The following FARS2 variants were observed in gnomAD, a reference collection of about 807,000 sequenced individuals.
The protein encoded by FARS2 is phenylalanine--tRNA ligase, mitochondrial.
FARS2 carries 40 observed loss-of-function variants against 46.4 expected under a neutral mutation model. The observed-to-expected ratio is 0.86, with a 90% CI of 0.67 to 1.12. FARS2 has a LOEUF of 1.12. FARS2 is among the 50% of genes most tolerant of loss of function. FARS2 has a pLI of 0.00. For synonymous variants in FARS2, 234 were observed against 214.9 expected, an observed-to-expected ratio of 1.09 and a Z score of -0.78; for missense variants, 513 against 567.9, an observed-to-expected ratio of 0.90 and a Z score of 0.98.
intron 3 of FARS2, among the ~76,000 whole-genome samples, chr6:5,408,714 A>G (rs984779313): frequency 2.6e-5 from 4 of 152,196 alleles, no homozygotes; most frequent in African/African-American, 9.7e-5. Context: ...AGAAGGAAGG[A>G]AGGAAAGGAA....
chr6:5,669,938 G>GT (rs774690072), intron 6 of FARS2, among the ~76,000 whole-genome samples: 5 of 152,222 alleles, frequency 3.3e-5, no homozygotes, highest in Non-Finnish European at 7.3e-5. Context: ...ATGAACGGGG[G>GT]TGGGGAAGAA....
intron 6 of FARS2, among the ~76,000 whole-genome samples, chr6:5,649,057 G>A (rs1446569948): frequency 1.3e-5 from 2 of 152,226 alleles, no homozygotes; most frequent in Non-Finnish European, 2.9e-5. Flanking sequence ...ACTACAAAAT[G>A]TCTTTTCAAA....
At chr6:5,434,789 T>A (rs776329634) in intron 4 of FARS2, among the ~76,000 whole-genome samples, 6 of 151,988 alleles carry the variant, frequency 3.9e-5, no homozygotes, top group African/African-American at 1.5e-4. Context: ...GCTCTTCCCC[T>A]CTCTTTACTT....
chr6:5,326,392 C>T (rs900063758), intron 1 of FARS2, among the ~76,000 whole-genome samples: 1 of 152,334 alleles, frequency 6.6e-6, no homozygotes, highest in Non-Finnish European at 1.5e-5. Flanking sequence ...CTTTGTCTTT[C>T]CCTGAAGCAA....
At chr6:5,718,559 A>T (rs1460684842) in intron 6 of FARS2, among the ~76,000 whole-genome samples, 1 of 152,238 alleles carries the variant, frequency 6.6e-6, no homozygotes, top group African/African-American at 2.4e-5. Flanking sequence ...ATATACACAC[A>T]AGAGACATTT....
At chr6:5,646,323 A>G (rs1236994571) in intron 6 of FARS2, among the ~76,000 whole-genome samples, 1 of 152,214 alleles carries the variant, frequency 6.6e-6, no homozygotes, top group Admixed American at 6.5e-5. Context: ...GATTATATGC[A>G]GGCTGTAGTG....
At chr6:5,494,433 C>T (rs769278123) in intron 4 of FARS2, among the ~76,000 whole-genome samples, 7 of 152,154 alleles carry the variant, frequency 4.6e-5, no homozygotes, top group Non-Finnish European at 7.3e-5. Flanking sequence ...CGCTTCTCAG[C>T]GGGCTTTGAA....
intron 4 of FARS2, among the ~76,000 whole-genome samples, chr6:5,487,114 GAT>G (rs1398000801): frequency 6.6e-6 from 1 of 152,156 alleles, no homozygotes; most frequent in Non-Finnish European, 1.5e-5. Flanking sequence ...ACACTCAGCT[GAT>G]ATAACATTGC....
At chr6:5,275,019 C>T (rs1224928792) in intron 1 of FARS2, among the ~76,000 whole-genome samples, 1 of 152,224 alleles carries the variant, frequency 6.6e-6, no homozygotes, top group Non-Finnish European at 1.5e-5. Flanking sequence ...CTACATATTT[C>T]AATATAGTGC....
chr6:5,604,981 A>G (rs932457522), intron 5 of FARS2, among the ~76,000 whole-genome samples: 6 of 152,188 alleles, frequency 3.9e-5, no homozygotes, highest in Non-Finnish European at 8.8e-5. Flanking sequence ...ATCTGTTTTC[A>G]TATCCTCGGG....
intron 6 of FARS2, among the ~76,000 whole-genome samples, chr6:5,660,008 G>T (rs1278950862): frequency 1.3e-5 from 2 of 152,152 alleles, no homozygotes; most frequent in East Asian, 3.8e-4. Flanking sequence ...TTAAGTTCGA[G>T]ACTGTGTCCC....
intron 5 of FARS2, among the ~76,000 whole-genome samples, chr6:5,598,005 C>T (rs1774298119): frequency 6.6e-6 from 1 of 152,032 alleles, no homozygotes; most frequent in African/African-American, 2.4e-5. Flanking sequence ...CTCACCAGTC[C>T]CTTGGGTCAC....
rs759754794 is a variant in FARS2 at position 5,717,925 on chromosome 6, T to TAGAGAGAGAGAGAG, written c.1218-53365_1218-53364insGAGAGAGAGAGAGA. On this transcript the variant is annotated intron_variant, in intron 6 of 6. Transcript: ENST00000274680. ...GGTATCAGCTATATATATATATATA[T>TAGAGAGAGAGAGAG]ATATATATATACAGAGTCTCACTCT... 1.4e-3 allele frequency among the ~76,000 whole-genome samples: 64 copies of TAGAGAGAGAGAGAG among 45,576 alleles called. 1 individual carries two copies. Among genetic ancestry groups the TAGAGAGAGAGAGAG allele is most frequent in the Middle Eastern group, 0.013 (1 of 78 alleles). The allele number at this position is 45,576 out of a possible 152,430, so 29.9% of individuals were successfully genotyped here.
chr6:5,474,960 AG>A (rs1172799694), intron 4 of FARS2, among the ~76,000 whole-genome samples: 1 of 152,118 alleles, frequency 6.6e-6, no homozygotes, highest in Non-Finnish European at 1.5e-5. Flanking sequence ...GCCGGTGCCC[AG>A]CCCAGTACTG....
chr6:5,421,586 C>A (rs1762552687), intron 3 of FARS2, among the ~76,000 whole-genome samples: 1 of 152,188 alleles, frequency 6.6e-6, no homozygotes, highest in Non-Finnish European at 1.5e-5. Context: ...TTTAACAGCA[C>A]CCAAGTCACC....
intron 1 of FARS2, among the ~76,000 whole-genome samples, chr6:5,314,007 C>CTATAA (rs1415188553): frequency 1.4e-4 from 21 of 152,288 alleles, no homozygotes; most frequent in African/African-American, 4.3e-4. Flanking sequence ...AACATTTGGG[C>CTATAA]ACCTCTGAGC....
intron 2 of FARS2, among the ~76,000 whole-genome samples, chr6:5,378,629 A>T (rs1759545597): frequency 6.6e-6 from 1 of 152,042 alleles, no homozygotes; most frequent in Admixed American, 6.5e-5. Context: ...CCGTGTGGTT[A>T]TTGGGTTTCC....
At chr6:5,554,848 C>T (rs1418802805) in intron 5 of FARS2, among the ~76,000 whole-genome samples, 1 of 152,166 alleles carries the variant, frequency 6.6e-6, no homozygotes, top group Non-Finnish European at 1.5e-5. Context: ...AACTAGTAAG[C>T]TGTTACTGTT....
At chr6:5,564,867 T>A (rs550652545) in intron 5 of FARS2, among the ~76,000 whole-genome samples, 1 of 152,202 alleles carries the variant, frequency 6.6e-6, no homozygotes, top group African/African-American at 2.4e-5. Flanking sequence ...GACCACAGGT[T>A]AGGAATCCTG....
Sources: gnomAD v4.1 joint callset for allele counts (sites outside exome capture counted in the v4.1 genomes callset) on GRCh38, gnomAD v4.1.1 for gene constraint, MANE v1.5 for transcripts, NCBI Gene and HGNC (gene_info 2026-07-23, HGNC 2026-07-21) for gene names.